WDR70: variants seen among roughly 807,000 people sequenced by gnomAD.
The protein encoded by WDR70 is WD repeat-containing protein 70.
WDR70 carries 53 observed loss-of-function variants against 88.6 expected under a neutral mutation model. That is an observed-to-expected ratio of 0.60 (90% CI 0.48 to 0.75). WDR70 has a LOEUF of 0.75. Ranked by LOEUF, WDR70 falls within the 30% of genes least tolerant of loss-of-function variation. The probability of loss-of-function intolerance (pLI) is 0.00; values close to 1 mark genes in which losing one functional copy is unlikely to be tolerated. For missense variants in WDR70, 610 were observed against 823.2 expected, an observed-to-expected ratio of 0.74 and a Z score of 3.17; for synonymous variants, 280 against 270.0, an observed-to-expected ratio of 1.04 and a Z score of -0.36.
chr5:37,410,209 T>C (rs201974668), intron 5 of WDR70, among the ~76,000 whole-genome samples: 3 of 150,140 alleles, frequency 2.0e-5, no homozygotes, highest in East Asian at 3.9e-4. Context: ...TTTTTTTTTT[T>C]TTTTTCTTTT....
chr5:37,479,752 T>G, intron 7 of WDR70, 82 bp from the exon 8 acceptor site: 1 of 1,443,500 alleles, frequency 6.9e-7, no homozygotes, highest in East Asian at 2.3e-5. Flanking sequence ...TGTAACATTT[T>G]TTTTTCTGGC....
At chr5:37,409,219 G>A (rs1289308755) in intron 5 of WDR70, among the ~76,000 whole-genome samples, 3 of 152,110 alleles carry the variant, frequency 2.0e-5, no homozygotes, top group Admixed American at 6.6e-5. Flanking sequence ...GATTACAGGC[G>A]TGAGCCACCA....
intron 4 of WDR70, among the ~76,000 whole-genome samples, 177 bp downstream of exon 4, chr5:37,392,297 C>T (rs1168601797): frequency 6.6e-6 from 1 of 151,862 alleles, no homozygotes; most frequent in African/African-American, 2.4e-5. Context: ...GATTCTCCTG[C>T]CTCAGCCTCC....
At chr5:37,444,871 T>C (rs183252015) in intron 7 of WDR70, among the ~76,000 whole-genome samples, 83 of 152,276 alleles carry the variant, frequency 5.5e-4, no homozygotes, top group Non-Finnish European at 1.5e-5. Context: ...CTAATATGGA[T>C]TGTGCAACCT....
chr5:37,585,533 A>C (rs1198928909), intron 9 of WDR70, among the ~76,000 whole-genome samples: 5 of 152,076 alleles, frequency 3.3e-5, no homozygotes, highest in Non-Finnish European at 7.4e-5. Context: ...CTTCCTTTTC[A>C]CTTCCAATTG....
At chr5:37,588,825 G>A (rs186547395) in intron 9 of WDR70, among the ~76,000 whole-genome samples, 9 of 151,938 alleles carry the variant, frequency 5.9e-5, no homozygotes, top group Non-Finnish European at 1.0e-4. Context: ...GTGCAGTGGC[G>A]CAATCTCAGC....
chr5:37,434,394 T>G (rs6890019), intron 5 of WDR70, among the ~76,000 whole-genome samples: 147,927 of 152,286 alleles, frequency 0.97, 72,007 homozygotes, highest in East Asian at 1. Context: ...CTCCATAGTT[T>G]CACTAGAATA....
chr5:37,455,767 T>G (rs1038376215), intron 7 of WDR70, among the ~76,000 whole-genome samples: 2 of 151,714 alleles, frequency 1.3e-5, no homozygotes, highest in African/African-American at 4.8e-5. Flanking sequence ...TTAGTAAAAT[T>G]TATTCTTTTT....
At chr5:37,585,928 G>A (rs1743351786) in intron 9 of WDR70, among the ~76,000 whole-genome samples, 1 of 152,112 alleles carries the variant, frequency 6.6e-6, no homozygotes, top group African/African-American at 2.4e-5. Flanking sequence ...ATCATCTCCA[G>A]ATATGTGTGC....
chr5:37,721,384 G>T, intron 14 of WDR70, 169 bp downstream of exon 14: 1 of 614,604 alleles, frequency 1.6e-6, no homozygotes, highest in Non-Finnish European at 2.8e-6. Flanking sequence ...GCTTTAAAAA[G>T]GATTTGAATA....
intron 9 of WDR70, among the ~76,000 whole-genome samples, chr5:37,572,529 T>A (rs1742937778): frequency 6.6e-6 from 1 of 152,122 alleles, no homozygotes; most frequent in African/African-American, 2.4e-5. Context: ...GCCTTCAGTG[T>A]ATCCGTCAGA....
intron 9 of WDR70, among the ~76,000 whole-genome samples, chr5:37,570,663 A>G (rs1742874611): frequency 6.6e-6 from 1 of 152,206 alleles, no homozygotes; most frequent in Non-Finnish European, 1.5e-5. Flanking sequence ...GAATGTGTCA[A>G]AGATCTGAGA....
chr5:37,729,120 A>G (rs926811672), intron 17 of WDR70, among the ~76,000 whole-genome samples: 1 of 152,080 alleles, frequency 6.6e-6, no homozygotes, highest in Non-Finnish European at 1.5e-5. Flanking sequence ...TCAAGCGCCT[A>G]TATATTTTTT....
intron 7 of WDR70, among the ~76,000 whole-genome samples, chr5:37,454,524 A>T (rs1290794902): frequency 6.6e-6 from 1 of 152,212 alleles, no homozygotes; most frequent in East Asian, 1.9e-4. Context: ...GAAAAAACAG[A>T]TACCTACTGT....
chr5:37,530,742 A>T, intron 9 of WDR70, among the ~76,000 whole-genome samples: 1 of 142,800 alleles, frequency 7.0e-6, no homozygotes, highest in Non-Finnish European at 1.5e-5. Context: ...TATCTTTTCA[A>T]TAAACTAGCT....
chr5:37,730,413 G>A (rs1748112306), intron 17 of WDR70, among the ~76,000 whole-genome samples: 1 of 150,918 alleles, frequency 6.6e-6, no homozygotes, highest in African/African-American at 2.4e-5. Context: ...ATATATTTTG[G>A]TGTATAACTT....
In WDR70 at chr5:37,391,961, G is replaced by A. The variant is rs372794790; in HGVS notation, c.176-39G>A. On this transcript the variant is annotated intron_variant, in intron 3 of 17. Coordinates refer to ENST00000265107, the MANE Select transcript of WDR70 (RefSeq NM_018034.4). ...TACTAACATATTTTGAATTGTAACC[G>A]TTGGGATTTTTTTGTTAATCTTTTT... is the stretch of plus-strand genomic sequence containing the variant. 1.1e-4 allele frequency: 172 copies of A among 1,578,086 alleles called. 1 individual carries two copies. The South Asian group carries it at 1.1e-3, about 10-fold the overall frequency.
At chr5:37,576,763 T>C (rs1462781723) in intron 9 of WDR70, among the ~76,000 whole-genome samples, 1 of 71,356 alleles carries the variant, frequency 1.4e-5, no homozygotes, top group Non-Finnish European at 3.1e-5. Flanking sequence ...TATTTGGTAG[T>C]CTTTTTTTTT....
intron 10 of WDR70, among the ~76,000 whole-genome samples, chr5:37,651,503 T>C (rs1037267107): frequency 1.3e-5 from 2 of 152,184 alleles, no homozygotes; most frequent in Admixed American, 1.3e-4. Flanking sequence ...CTGGGTCAAA[T>C]GGTATTTTTG....
Sources: allele counts gnomAD v4.1 joint callset (sites outside exome capture counted in the v4.1 genomes callset), GRCh38; gene constraint gnomAD v4.1.1; transcripts MANE v1.5; gene names NCBI Gene and HGNC (gene_info 2026-07-23, HGNC 2026-07-21).